The following FGF14 variants were observed in gnomAD, a reference collection of about 807,000 sequenced individuals.
The protein encoded by FGF14 is fibroblast growth factor homologous factor 4.
In FGF14, 5 loss-of-function variants were observed where a neutral mutation model predicts 25.5. That is an observed-to-expected ratio of 0.20 (90% CI 0.10 to 0.41). The LOEUF (loss-of-function observed/expected upper bound fraction) is 0.41. Among genes scored for constraint, FGF14 ranks in the 10% least tolerant of loss-of-function variants. The pLI, the probability that FGF14 is intolerant of heterozygous loss-of-function variation, is 1.00. For synonymous variants in FGF14, 138 were observed against 118.3 expected (o/e 1.17, Z -1.08); for missense variants, 222 against 320.1 (o/e 0.69, Z 2.34).
chr13:101,953,319 T>C (rs1478660737), intron 1 of FGF14, among the ~76,000 whole-genome samples: 1 of 152,066 alleles, frequency 6.6e-6, no homozygotes, highest in African/African-American at 2.4e-5. Flanking sequence ...TTCCACCACC[T>C]GCACACAGTT....
At chr13:101,891,049 G>A (rs2046243418) in intron 1 of FGF14, among the ~76,000 whole-genome samples, 1 of 152,206 alleles carries the variant, frequency 6.6e-6, no homozygotes, top group South Asian at 2.1e-4. Flanking sequence ...AGGCTAAGCC[G>A]AGGTTAAAAC....
intron 1 of FGF14, among the ~76,000 whole-genome samples, chr13:102,275,598 G>T (rs2053497202): frequency 6.6e-6 from 1 of 152,136 alleles, no homozygotes; most frequent in South Asian, 2.1e-4. Context: ...AGCTGAAATG[G>T]ATCCTTGCAA....
chr13:102,315,226 T>A (rs1227072644), intron 1 of FGF14, among the ~76,000 whole-genome samples: 1 of 152,132 alleles, frequency 6.6e-6, no homozygotes, highest in East Asian at 1.9e-4. Context: ...AAATCTGGCA[T>A]TCCTCCTTTC....
chr13:101,801,344 T>C (rs1290310088), intron 3 of FGF14, among the ~76,000 whole-genome samples: 1 of 151,618 alleles, frequency 6.6e-6, no homozygotes, highest in Non-Finnish European at 1.5e-5. Flanking sequence ...TCAATGCAGA[T>C]GTTGACAATT....
chr13:101,875,674 T>G (rs1211388596), intron 1 of FGF14, among the ~76,000 whole-genome samples: 2 of 152,108 alleles, frequency 1.3e-5, no homozygotes, highest in African/African-American at 2.4e-5. Flanking sequence ...CTCTCAGAAA[T>G]TTTATTAAAA....
chr13:102,019,369 C>T (rs377476051), intron 1 of FGF14, among the ~76,000 whole-genome samples: 2 of 152,234 alleles, frequency 1.3e-5, no homozygotes, highest in South Asian at 2.1e-4. Context: ...TGTGTCTACC[C>T]ACCTGCCTCC....
chr13:101,789,603 C>T (rs1176379170), intron 3 of FGF14, among the ~76,000 whole-genome samples: 1 of 152,070 alleles, frequency 6.6e-6, no homozygotes, highest in African/African-American at 2.4e-5. Flanking sequence ...AAATGTAAAG[C>T]ATAAGCTGTC....
chr13:102,233,043 G>A (rs367740314), intron 1 of FGF14, among the ~76,000 whole-genome samples: 2 of 152,036 alleles, frequency 1.3e-5, no homozygotes, highest in Non-Finnish European at 2.9e-5. Context: ...CACTTTCTCA[G>A]TGCAGCCTCC....
At chr13:101,723,852 A>G (rs61965119) in intron 4 of FGF14, among the ~76,000 whole-genome samples, 28,869 of 152,078 alleles carry the variant, frequency 0.19, 3,031 homozygotes, top group East Asian at 0.43. Context: ...GTCATCTGCC[A>G]TCAGAAATAC....
In FGF14 at chr13:102,400,089, C is replaced by T. The variant is rs1338846218; in HGVS notation, c.208+1382G>A. 5.3e-5 allele frequency among the ~76,000 whole-genome samples: 8 copies of T among 151,712 alleles called. No individual in the cohort carries two copies. The highest frequency in any genetic ancestry group is 1.2e-4 in the Non-Finnish European group (8 of 67,906). The stretch of plus-strand genomic sequence containing the variant: ...CCTCCTCCTCCTCTGCCTCGCGCTG[C>T]ACCCGCAGGCGGCAGACCCCTCGGA... On this transcript the variant is annotated intron_variant, in intron 1 of 4. Transcript: ENST00000376131. The surrounding 1 kb of genome is among the most constrained non-coding windows in gnomAD (Gnocchi z 4.3).
At position 101,938,752 on chromosome 13, in the gene FGF14, A is replaced by T. The variant is rs567872979; in HGVS notation, c.209-63456T>A. On this transcript the variant is annotated intron_variant, in intron 1 of 4. Coordinates refer to the FGF14 transcript ENST00000376131. ...CACTACATTTCATTTGACCTTCAGT[A>T]TTTAAACCAACAAATGTACCAAACT... Among the ~76,000 whole-genome samples, 3 of 152,312 alleles carry T rather than the reference A, an allele frequency of 2.0e-5. No homozygotes were observed. The East Asian group carries it at 5.8e-4, about 29-fold the overall frequency.
At chr13:101,910,875 TGTGTGTG>T in intron 1 of FGF14, among the ~76,000 whole-genome samples, 1 of 147,376 alleles carries the variant, frequency 6.8e-6, no homozygotes, top group Non-Finnish European at 1.5e-5. Context: ...TGTGTGTGTG[TGTGTGTG>T]TGTGTGTGTG....
At chr13:102,161,648 A>AGAG (rs1566765157) in intron 1 of FGF14, among the ~76,000 whole-genome samples, 1 of 18,412 alleles carries the variant, frequency 5.4e-5, no homozygotes, top group South Asian at 2.3e-3. Flanking sequence ...AAGAAGAAGA[A>AGAG]GAAGAAGAAG....
At position 102,257,612 on chromosome 13, in the gene FGF14, T is replaced by C. The variant is rs150811922; in HGVS notation, c.208+143859A>G. Among the ~76,000 whole-genome samples, 6 of 152,012 alleles carry C rather than the reference T, an allele frequency of 3.9e-5. No individual in the cohort carries two copies. In the East Asian group the frequency reaches 9.7e-4, roughly 25 times the overall value. On this transcript the variant is annotated intron_variant, in intron 1 of 4. Coordinates refer to the FGF14 transcript ENST00000376131. ...CCTCCCAAAGTGCTAGGATTAGAGG[T>C]GTGAGCCACCACGCCCAGCCGTTTG...
chr13:101,733,591 CAAA>C (rs553475621), intron 3 of FGF14, among the ~76,000 whole-genome samples: 259 of 97,340 alleles, frequency 2.7e-3, no homozygotes, highest in African/African-American at 6.1e-3. Context: ...AAGACTCCAT[CAAA>C]AAAAAAAAAA....
In FGF14 at chr13:102,181,087, C is replaced by T. The variant is rs746019685; in HGVS notation, c.208+220384G>A. On this transcript the variant is annotated intron_variant, in intron 1 of 4. Coordinates refer to the FGF14 transcript ENST00000376131. Reference sequence around the variant, plus strand: ...ATCTAGCTCTCTACCTGTTGTTCTTCGACCCATCATTGAGAATAATTTCTC... The same window carrying T: ...ATCTAGCTCTCTACCTGTTGTTCTTTGACCCATCATTGAGAATAATTTCTC... Among the ~76,000 whole-genome samples, 6 of 152,044 alleles carry T rather than the reference C, an allele frequency of 3.9e-5. No homozygotes were observed. In the South Asian group the frequency reaches 6.2e-4, roughly 16 times the overall value.
chr13:101,810,838 C>T (rs2041463707), intron 3 of FGF14, among the ~76,000 whole-genome samples: 1 of 152,066 alleles, frequency 6.6e-6, no homozygotes, highest in African/African-American at 2.4e-5. Context: ...GATTCCTGTC[C>T]TTTCCGTAAG....
chr13:102,192,047 A>G (rs1180987916), intron 1 of FGF14, among the ~76,000 whole-genome samples: 2 of 152,156 alleles, frequency 1.3e-5, no homozygotes, highest in East Asian at 3.9e-4. Flanking sequence ...TCCTGCCTCC[A>G]GGCTTTTACA....
chr13:101,761,509 T>C lies in FGF14; in HGVS notation c.409-34699A>G, dbSNP rs527578667. Among the ~76,000 whole-genome samples the C allele has an allele frequency of 9.8e-5, 15 of 152,314 alleles. No homozygotes were observed. The South Asian group carries it at 2.7e-3, about 27-fold the overall frequency. On this transcript the variant is annotated intron_variant, in intron 3 of 4. Coordinates refer to ENST00000376143, the MANE Select transcript of FGF14 (RefSeq NM_004115.4). ...GTCAGCAAGTCCCCTTCTACTGTTCTGAGGCATGCAGAAAGGTCGACTATA... is the reference window on the plus strand; with the variant it reads ...GTCAGCAAGTCCCCTTCTACTGTTCCGAGGCATGCAGAAAGGTCGACTATA...
Sources: gnomAD v4.1 joint callset for allele counts (sites outside exome capture counted in the v4.1 genomes callset) on GRCh38, gnomAD v4.1.1 for gene constraint, Gnocchi (gnomAD v3.1) non-coding constraint, MANE v1.5 for transcripts, NCBI Gene and HGNC (gene_info 2026-07-23, HGNC 2026-07-21) for gene names.